Variants in RNF157 observed in about 807,000 individuals in gnomAD.
RNF157 encodes E3 ubiquitin ligase RNF157.
A neutral mutation model predicts 88.3 loss-of-function variants in RNF157; 55 were observed. The observed-to-expected ratio is 0.62, with a 90% CI of 0.50 to 0.78. The LOEUF (loss-of-function observed/expected upper bound fraction) is 0.78. Among genes scored for constraint, RNF157 ranks in the 30% least tolerant of loss-of-function variants. The pLI is 0.00. For missense variants in RNF157, 788 were observed against 860.8 expected, an observed-to-expected ratio of 0.92 and a Z score of 1.06; for synonymous variants, 334 against 341.2, an observed-to-expected ratio of 0.98 and a Z score of 0.23.
intron 2 of RNF157, among the ~76,000 whole-genome samples, chr17:76,191,287 G>A (rs2069380293): frequency 6.6e-6 from 1 of 151,706 alleles, no homozygotes. Context: ...ATCGGTTAGG[G>A]CAACATAGTG....
intron 2 of RNF157, among the ~76,000 whole-genome samples, chr17:76,202,314 C>A (rs970890335): frequency 6.6e-6 from 1 of 152,198 alleles, no homozygotes; most frequent in Non-Finnish European, 1.5e-5. Flanking sequence ...ACGTGCACAG[C>A]ATCTGGGGTA....
At position 76,146,940 on chromosome 17, in the gene RNF157, A is replaced by G; in HGVS notation, c.1922-1587T>C. 1 of 985,418 alleles carries G rather than the reference A, an allele frequency of 1.0e-6. No individual in the cohort carries two copies. Among genetic ancestry groups the G allele is most frequent in the Non-Finnish European group, 1.2e-6 (1 of 829,918 alleles). 61.0% of individuals were successfully genotyped at this position (985,418 alleles called of 1,614,324 possible). ...TGGCATGTAGAGTCAACAGGTATAA[A>G]TGGCTTATTTCCATCAATGCCTTGG... On this transcript the variant is annotated intron_variant, in intron 18 of 18. Transcript: ENST00000269391. This position sits in a 1 kb window ranked among gnomAD's most constrained non-coding sequence, Gnocchi z 4.2.
chr17:76,156,135 C>A, intron 14 of RNF157, 75 bp downstream of exon 14: 3 of 1,175,338 alleles, frequency 2.6e-6, no homozygotes, highest in Non-Finnish European at 2.5e-6. Flanking sequence ...CATGTCCCTT[C>A]CCGGAAGAAG....
chr17:76,201,235 C>T (rs889483593), intron 2 of RNF157, among the ~76,000 whole-genome samples: 11 of 148,760 alleles, frequency 7.4e-5, no homozygotes, highest in Admixed American at 2.0e-4. Context: ...CCTGTAATCC[C>T]AGCACTTTGG....
intron 1 of RNF157, among the ~76,000 whole-genome samples, chr17:76,215,481 A>G (rs946779149): frequency 5.9e-5 from 9 of 151,484 alleles, no homozygotes; most frequent in African/African-American, 1.9e-4. Flanking sequence ...TAAGAAAAAA[A>G]AAAGAAAGAA....
intron 2 of RNF157, among the ~76,000 whole-genome samples, chr17:76,175,477 G>A (rs2144886664): frequency 6.6e-6 from 1 of 152,234 alleles, no homozygotes; most frequent in Non-Finnish European, 1.5e-5. Context: ...GCATCAGGAG[G>A]CCTTGACATG....
At chr17:76,225,075 G>A (rs1410608994) in intron 1 of RNF157, among the ~76,000 whole-genome samples, 1 of 152,176 alleles carries the variant, frequency 6.6e-6, no homozygotes, top group East Asian at 1.9e-4. Flanking sequence ...GGGAGGCTGA[G>A]GCAGAAGAAT....
intron 2 of RNF157, among the ~76,000 whole-genome samples, chr17:76,182,769 A>ATGTG (rs1028322553): frequency 1.4e-5 from 2 of 138,454 alleles, no homozygotes; most frequent in African/African-American, 5.8e-5. Context: ...TCATATATAT[A>ATGTG]TATATATATA....
At chr17:76,222,205 G>T (rs2069996118) in intron 1 of RNF157, among the ~76,000 whole-genome samples, 2 of 152,168 alleles carry the variant, frequency 1.3e-5, no homozygotes. Context: ...AATGAGCTGG[G>T]TGTAGTGGCA....
intron 1 of RNF157, among the ~76,000 whole-genome samples, chr17:76,216,656 T>C (rs2069893987): frequency 6.6e-6 from 1 of 152,012 alleles, no homozygotes. Flanking sequence ...CCTTTCAAAG[T>C]GGTGTTGTAA....
intron 1 of RNF157, among the ~76,000 whole-genome samples, chr17:76,218,179 T>C (rs951694889): frequency 2.6e-5 from 4 of 152,124 alleles, no homozygotes; most frequent in African/African-American, 7.2e-5. Context: ...GACTGACCTT[T>C]AAAGAAAGAA....
At chr17:76,167,628 C>T (rs755786773) in intron 4 of RNF157, 23 bp downstream of exon 4, 23 of 1,613,470 alleles carry the variant, frequency 1.4e-5, no homozygotes, top group Non-Finnish European at 1.9e-5. Context: ...AAGGAAGTGG[C>T]TCTCCTGGTC....
chr17:76,181,561 A>G (rs1384616335), intron 2 of RNF157, among the ~76,000 whole-genome samples: 7 of 152,212 alleles, frequency 4.6e-5, no homozygotes, highest in African/African-American at 1.7e-4. Context: ...CAAGATGCTC[A>G]AAGATGTGTT....
intron 2 of RNF157, among the ~76,000 whole-genome samples, chr17:76,206,527 G>A (rs984390308): frequency 9.2e-5 from 14 of 152,246 alleles, no homozygotes; most frequent in Middle Eastern, 3.4e-3. Context: ...TGAAGAGGCC[G>A]GCCAAGGTGG....
chr17:76,182,794 ATATATATAT>A (rs1252744179), intron 2 of RNF157, among the ~76,000 whole-genome samples: 129 of 117,378 alleles, frequency 1.1e-3, no homozygotes, highest in Middle Eastern at 4.3e-3. Context: ...TATATGAGAG[ATATATATAT>A]GAGAGAGATA....
chr17:76,187,474 G>A (rs1465406816), intron 2 of RNF157, among the ~76,000 whole-genome samples: 2 of 152,092 alleles, frequency 1.3e-5, no homozygotes, highest in African/African-American at 4.8e-5. Context: ...ATGAGCCACG[G>A]CGTCTGGCCA....
At chr17:76,200,052 A>G (rs1256552632) in intron 2 of RNF157, among the ~76,000 whole-genome samples, 1 of 151,964 alleles carries the variant, frequency 6.6e-6, no homozygotes, top group Non-Finnish European at 1.5e-5. Context: ...CCTGGCTAAC[A>G]TAGTGAAACC....
intron 1 of RNF157, among the ~76,000 whole-genome samples, chr17:76,216,219 C>A (rs9916150): frequency 0.3 from 45,698 of 151,846 alleles, 7,513 homozygotes; most frequent in East Asian, 0.46. Flanking sequence ...ACTGAGTTTC[C>A]AGTACCTGTG....
chr17:76,145,436 C>CAGACCTTTGGCCAAATCCAGAT, intron 18 of RNF157, 83 bp from the exon 19 acceptor site: 1 of 1,020,464 alleles, frequency 9.8e-7, no homozygotes, highest in Non-Finnish European at 1.5e-6. Flanking sequence ...GCCCAGGAGC[C>CAGACCTTTGGCCAAATCCAGAT]GGCACGGAAG....
Sources: allele counts gnomAD v4.1 joint callset (sites outside exome capture counted in the v4.1 genomes callset), GRCh38; gene constraint gnomAD v4.1.1; non-coding constraint Gnocchi (gnomAD v3.1); transcripts MANE v1.5; gene names NCBI Gene and HGNC (gene_info 2026-07-23, HGNC 2026-07-21).